PPP2R3C: variants seen among roughly 807,000 people sequenced by gnomAD.
PPP2R3C encodes serine/threonine-protein phosphatase 2A regulatory subunit B'' subunit gamma.
In PPP2R3C, 47 loss-of-function variants were observed where a neutral mutation model predicts 63.7. The observed-to-expected ratio is 0.74, with a 90% CI of 0.58 to 0.94. The LOEUF is 0.94. PPP2R3C is among the 40% of genes least tolerant of loss of function. PPP2R3C has a pLI of 0.00. For missense variants in PPP2R3C, 421 were observed against 518.4 expected, an observed-to-expected ratio of 0.81 and a Z score of 1.82; for synonymous variants, 180 against 177.4, an observed-to-expected ratio of 1.01 and a Z score of -0.12.
intron 4 of PPP2R3C, 143 bp from the exon 5 acceptor site, chr14:35,108,379 T>C (rs939295171): frequency 1.8e-6 from 2 of 1,123,834 alleles, no homozygotes; most frequent in African/African-American, 1.7e-5. Flanking sequence ...AAACTTAAAA[T>C]ATTAAGTCAA....
intron 10 of PPP2R3C, among the ~76,000 whole-genome samples, chr14:35,093,718 C>T (rs1167774151): frequency 2.6e-5 from 4 of 151,984 alleles, no homozygotes; most frequent in Non-Finnish European, 5.9e-5. Context: ...GCCATCTCGG[C>T]TTACTGCAAG....
chr14:35,093,161 C>T (rs143520917), intron 10 of PPP2R3C, among the ~76,000 whole-genome samples: 2,589 of 151,892 alleles, frequency 0.017, 32 homozygotes, highest in Non-Finnish European at 0.022. Context: ...TGCAGTGAGC[C>T]GAGATCGCGC....
chr14:35,111,732 C>A (rs1213244713), intron 2 of PPP2R3C, among the ~76,000 whole-genome samples: 1 of 152,186 alleles, frequency 6.6e-6, no homozygotes, highest in African/African-American at 2.4e-5. Flanking sequence ...CCCTCTCAGA[C>A]CAGCCACTCC....
At chr14:35,090,936 C>G (rs940120734) in intron 11 of PPP2R3C, 134 bp downstream of exon 11, 6 of 714,162 alleles carry the variant, frequency 8.4e-6, no homozygotes, top group Middle Eastern at 9.5e-4. Flanking sequence ...AGGATGGTCT[C>G]TATCTCCTGA....
chr14:35,096,649 G>T lies in PPP2R3C; in HGVS notation c.763-16C>A. 6.2e-7 allele frequency: 1 copy of T among 1,611,486 alleles called. No homozygotes were observed. The highest frequency in any genetic ancestry group is 1.3e-5 in the African/African-American group (1 of 74,868). ...CATCCCTTAGCTAATGGAACACAAA[G>T]ACATAATTAGAAGATAGCAACTGTC... is the stretch of plus-strand genomic sequence containing the variant. On this transcript the variant is annotated splice_polypyrimidine_tract_variant and intron_variant, in intron 8 of 12. Transcript: ENST00000261475.
chr14:35,091,768 T>A (rs950285664), intron 10 of PPP2R3C, among the ~76,000 whole-genome samples: 1 of 152,112 alleles, frequency 6.6e-6, no homozygotes, highest in African/African-American at 2.4e-5. Context: ...TTGCCCAGGC[T>A]GGAGTGCAGT....
Position 35,096,595 on chromosome 14 carries a change from T to G in PPP2R3C, c.801A>C (p.Thr267=), listed in dbSNP as rs543305633. 1 of 1,613,906 alleles carries G rather than the reference T, an allele frequency of 6.2e-7. No homozygotes were observed. Among genetic ancestry groups the G allele is most frequent in the South Asian group, 1.1e-5 (1 of 91,064 alleles). The change falls in exon 9 of 13, where the codon ACA becomes ACC. Residue 267 remains threonine (T), a synonymous_variant. Coordinates refer to ENST00000261475, the MANE Select transcript of PPP2R3C (RefSeq NM_017917.4). ...DEELSKESQE[T]NWFSAPSALR... is the part of the protein sequence containing the mutation. ...GGGCAGAAGGAGCAGAAAACCAATT[T>G]GTTTCTTGACTCTCCTTGGACAGTT...
At chr14:35,117,941 A>C (rs1311071806) in intron 1 of PPP2R3C, among the ~76,000 whole-genome samples, 1 of 151,900 alleles carries the variant, frequency 6.6e-6, no homozygotes, top group Non-Finnish European at 1.5e-5. Flanking sequence ...TGATCTGCCC[A>C]CCTCGGCCTC....
At chr14:35,090,265 C>T (rs537589778) in intron 11 of PPP2R3C, among the ~76,000 whole-genome samples, 598 of 137,148 alleles carry the variant, frequency 4.4e-3, no homozygotes, top group Non-Finnish European at 7.8e-3. Context: ...TTTTTGAGAC[C>T]GAGTGTTGCT....
chr14:35,115,015 G>A (rs1329831553), intron 2 of PPP2R3C, among the ~76,000 whole-genome samples: 1 of 151,686 alleles, frequency 6.6e-6, no homozygotes, highest in African/African-American at 2.4e-5. Context: ...AAAAAGATGG[G>A]GTGTGGGGTG....
At position 35,091,154 on chromosome 14, in the gene PPP2R3C, A is replaced by G; in HGVS notation, c.1029T>C (p.Pro343=). The change falls in exon 11 of 13, where the codon CCT becomes CCC. Residue 343 remains proline, a synonymous_variant. Transcript: ENST00000261475. ...FVLALENRKE[P]AALQYIFKLL... ...GTTTGAAAATATATTGTAGAGCTGC[A>G]GGTTCCTTTCTGTTTTCTAATGCAA... 1.2e-6 allele frequency: 2 copies of G among 1,609,416 alleles called. No homozygotes were observed. Among genetic ancestry groups the G allele is most frequent in the Non-Finnish European group, 1.7e-6 (2 of 1,176,942 alleles).
chr14:35,085,882 A>G (rs2045576788), intron 12 of PPP2R3C, 104 bp from the exon 13 acceptor site: 5 of 901,488 alleles, frequency 5.5e-6, no homozygotes, highest in Non-Finnish European at 8.0e-6. Flanking sequence ...GTACAGAGGA[A>G]TAAAATTGAG....
At chr14:35,096,084 T>C (rs939410097) in intron 9 of PPP2R3C, among the ~76,000 whole-genome samples, 4 of 152,158 alleles carry the variant, frequency 2.6e-5, no homozygotes, top group Non-Finnish European at 4.4e-5. Context: ...CTCATGCCTA[T>C]AATCCCAACA....
chr14:35,088,869 A>G (rs1037926956), intron 11 of PPP2R3C, among the ~76,000 whole-genome samples: 2 of 152,224 alleles, frequency 1.3e-5, no homozygotes, highest in Non-Finnish European at 1.5e-5. Context: ...CTTTGACAAA[A>G]TGCCTATATG....
chr14:35,112,969 T>A (rs2046610337), intron 2 of PPP2R3C: 1 of 152,258 alleles, frequency 6.6e-6, no homozygotes, highest in African/African-American at 2.4e-5. Flanking sequence ...CAAACCAATG[T>A]ATTTCTCAAA....
chr14:35,092,600 G>C (rs1291211333), intron 10 of PPP2R3C, among the ~76,000 whole-genome samples: 3 of 151,876 alleles, frequency 2.0e-5, no homozygotes, highest in Non-Finnish European at 4.4e-5. Flanking sequence ...CTGAGTATCT[G>C]GGATTACAGG....
intron 6 of PPP2R3C, among the ~76,000 whole-genome samples, chr14:35,105,064 G>C (rs560124345): frequency 3.3e-5 from 5 of 151,134 alleles, no homozygotes; most frequent in South Asian, 2.1e-4. Flanking sequence ...AAAAAAAAGC[G>C]GGGGGGTGGA....
chr14:35,089,169 C>G (rs1164567881), intron 11 of PPP2R3C, among the ~76,000 whole-genome samples: 2 of 152,186 alleles, frequency 1.3e-5, no homozygotes, highest in East Asian at 3.9e-4. Context: ...AGTGGCAAAT[C>G]ATGGATCACT....
intron 6 of PPP2R3C, chr14:35,100,277 T>G (rs1029973730): frequency 7.2e-5 from 11 of 152,198 alleles, no homozygotes; most frequent in Non-Finnish European, 1.6e-4. Context: ...AGGGCTAAGC[T>G]AATTATTCAT....
Sources: gnomAD v4.1 joint callset for allele counts (sites outside exome capture counted in the v4.1 genomes callset) on GRCh38, gnomAD v4.1.1 for gene constraint, MANE v1.5 for transcripts, NCBI Gene and HGNC (gene_info 2026-07-23, HGNC 2026-07-21) for gene names.